The following CFTR variants were observed in gnomAD, a reference collection of about 807,000 sequenced individuals.
CFTR encodes the protein cystic fibrosis transmembrane conductance regulator.
Under a neutral mutation model 171.6 loss-of-function variants are expected in CFTR, and 181 were observed. The observed-to-expected ratio is 1.05, with a 90% CI of 0.93 to 1.19. The LOEUF is 1.19. CFTR is among the 50% of genes most tolerant of loss of function. CFTR has a pLI of 0.00. For synonymous variants in CFTR, 583 were observed against 608.0 expected (o/e 0.96, Z 0.60); for missense variants, 1,968 against 1,734.7 (o/e 1.13, Z -2.39).
chr7:117,494,966 C>G (rs953928364), intron 1 of CFTR, among the ~76,000 whole-genome samples: 1 of 152,052 alleles, frequency 6.6e-6, no homozygotes. Context: ...TTGACAGTTG[C>G]ACAAGTTTCT....
Position 117,536,796 on chromosome 7 carries a change from A to G in CFTR, c.869+123A>G, listed in dbSNP as rs574337423. ...TTGTGACAATCAAATGATTGCATTT[A>G]AGTTCTGTCAATATTCATGCATTAG... On this transcript the variant is annotated intron_variant, in intron 7 of 26. Transcript: ENST00000003084. 6 of 837,750 alleles carry G rather than the reference A, an allele frequency of 7.2e-6. No homozygotes were observed. In the African/African-American group the frequency reaches 1.0e-4, roughly 14 times the overall value. The allele number at this position is 837,750 out of a possible 1,614,324, so 51.9% of individuals were successfully genotyped here.
At chr7:117,595,079 A>G (rs750120284) in intron 15 of CFTR, 21 bp downstream of exon 15, 4 of 1,601,114 alleles carry the variant, frequency 2.5e-6, no homozygotes, top group Non-Finnish European at 3.4e-6. Context: ...TCTATTGTAA[A>G]GTATTACTGG....
chr7:117,645,251 C>T (rs1792981264), intron 23 of CFTR, among the ~76,000 whole-genome samples: 1 of 152,170 alleles, frequency 6.6e-6, no homozygotes, highest in Non-Finnish European at 1.5e-5. Context: ...TAAACTCCTA[C>T]ATGCTTAACA....
At chr7:117,659,853 T>G (rs193090632) in intron 24 of CFTR, among the ~76,000 whole-genome samples, 127 of 152,320 alleles carry the variant, frequency 8.3e-4, no homozygotes, top group African/African-American at 2.9e-3. Context: ...CAAAAGGAGT[T>G]GACTGTATCT....
chr7:117,591,894 A>G (rs1792030272), intron 13 of CFTR, 40 bp from the exon 14 acceptor site: 1 of 1,273,680 alleles, frequency 7.9e-7, no homozygotes, highest in African/African-American at 1.5e-5. Flanking sequence ...GCAATAAAGT[A>G]TTTATAAAAT....
chr7:117,597,726 C>G (rs114261375), intron 15 of CFTR, among the ~76,000 whole-genome samples: 1,543 of 151,928 alleles, frequency 0.01, 27 homozygotes, highest in African/African-American at 0.035. Flanking sequence ...ATTCAAATCA[C>G]ACACTTGCTT....
intron 3 of CFTR, among the ~76,000 whole-genome samples, chr7:117,520,999 G>A (rs1444250733): frequency 1.3e-5 from 2 of 151,890 alleles, no homozygotes; most frequent in African/African-American, 4.8e-5. Flanking sequence ...AAAGTTTTAA[G>A]ACTCTCCATT....
At chr7:117,634,201 C>T (rs1001460189) in intron 22 of CFTR, among the ~76,000 whole-genome samples, 3 of 152,060 alleles carry the variant, frequency 2.0e-5, no homozygotes, top group African/African-American at 4.8e-5. Context: ...TTTTCTCATG[C>T]GAGTTTTAGC....
intron 9 of CFTR, among the ~76,000 whole-genome samples, chr7:117,543,734 C>A (rs897748955): frequency 2.0e-5 from 3 of 152,176 alleles, no homozygotes; most frequent in Non-Finnish European, 2.9e-5. Context: ...TGGTGGCATC[C>A]TCTTCCTCCA....
chr7:117,548,316 C>A (rs62469439), intron 9 of CFTR, among the ~76,000 whole-genome samples: 65 of 144,946 alleles, frequency 4.5e-4, no homozygotes, highest in African/African-American at 1.5e-3. Context: ...TTATGTACCC[C>A]GCTTATAGGA....
At chr7:117,628,699 C>T (rs1012943774) in intron 22 of CFTR, among the ~76,000 whole-genome samples, 13 of 151,818 alleles carry the variant, frequency 8.6e-5, no homozygotes, top group African/African-American at 2.9e-4. Flanking sequence ...TTGATTTTGC[C>T]CATGGATTTT....
chr7:117,561,765 C>T lies in CFTR; in HGVS notation c.1584+2110C>T, dbSNP rs549444461. 1.3e-3 allele frequency among the ~76,000 whole-genome samples: 197 copies of T among 152,104 alleles called. 1 individual carries two copies. Among genetic ancestry groups the T allele is most frequent in the African/African-American group, 4.7e-3 (193 of 41,504 alleles). ...AAAGATTGACATATCAATAACAAATCGAATTAGTGATGTAATAGAGGCATT... is the reference window on the plus strand; with the variant it reads ...AAAGATTGACATATCAATAACAAATTGAATTAGTGATGTAATAGAGGCATT... On this transcript the variant is annotated intron_variant, in intron 11 of 26. Transcript: ENST00000003084.
At position 117,558,063 on chromosome 7, in the gene CFTR, A is replaced by AT. The variant is rs1018771876; in HGVS notation, c.1393-1392dup. On this transcript the variant is annotated intron_variant, in intron 10 of 26. Coordinates refer to ENST00000003084, the MANE Select transcript of CFTR (RefSeq NM_000492.4). The stretch of plus-strand genomic sequence containing the variant: ...GTTGTGCAACTATCACCTCCTTTTG[A>AT]TTTTTTTTTACTAATTTTGTAAATT... Among the ~76,000 whole-genome samples, 25 of 150,346 alleles carry AT rather than the reference A, an allele frequency of 1.7e-4. 1 individual carries two copies. Among genetic ancestry groups the AT allele is most frequent in the East Asian group, 1.4e-3 (7 of 5,072 alleles).
At chr7:117,507,986 G>C (rs1798448287) in intron 2 of CFTR, among the ~76,000 whole-genome samples, 1 of 152,298 alleles carries the variant, frequency 6.6e-6, no homozygotes, top group South Asian at 2.1e-4. Context: ...ATGCTGGCCA[G>C]GCTGGTCTTG....
chr7:117,611,703 A>G lies in CFTR; in HGVS notation c.3262A>G (p.Asn1088Asp), dbSNP rs397508523. The G allele has an allele frequency of 3.1e-6, 5 of 1,613,632 alleles. No individual in the cohort carries two copies. The highest frequency in any genetic ancestry group is 2.2e-5 in the East Asian group (1 of 44,844). Residue 1088 changes from asparagine (N) to aspartate (D), a missense_variant, in exon 20 of 27, where the codon AAC becomes GAC. Physicochemically the swap from Asn to Asp is conservative, Grantham distance 23. Transcript: ENST00000003084. ...FHKALNLHTA[N>D]WFLYLSTLRW... ...CAAAGCTCTGAATTTACATACTGCC[A>G]ACTGGTTCTTGTACCTGTCAACACT...
Position 117,667,150 on chromosome 7 carries a change from T to C in CFTR, c.*42T>C, listed in dbSNP as rs532413191. The C allele has an allele frequency of 2.4e-5, 37 of 1,564,688 alleles. No individual in the cohort carries two copies. The African/African-American group carries it at 3.7e-4, about 15-fold the overall frequency. On this transcript the variant is annotated 3_prime_UTR_variant, in exon 27 of 27. Coordinates refer to ENST00000003084, the MANE Select transcript of CFTR (RefSeq NM_000492.4). ...TGACATGGGACATTTGCTCATGGAA[T>C]TGGAGCTCGTGGGACAGTCACCTCA...
At chr7:117,535,659 G>C (rs547233512) in intron 6 of CFTR, among the ~76,000 whole-genome samples, 1 of 150,296 alleles carries the variant, frequency 6.7e-6, no homozygotes, top group African/African-American at 2.5e-5. Context: ...CTCAGCCTCC[G>C]GAGTAGCTGG....
intron 11 of CFTR, among the ~76,000 whole-genome samples, chr7:117,565,286 T>A (rs891842427): frequency 1.4e-4 from 21 of 152,240 alleles, no homozygotes; most frequent in Non-Finnish European, 1.5e-5. Flanking sequence ...TATGAGATTA[T>A]AATTGTATTT....
intron 22 of CFTR, among the ~76,000 whole-genome samples, chr7:117,636,244 C>T (rs1052485358): frequency 2.6e-5 from 4 of 152,052 alleles, no homozygotes; most frequent in African/African-American, 9.7e-5. Context: ...TTATCTTTGC[C>T]TTTCTATAGG....
Sources: gnomAD v4.1 joint callset for allele counts (sites outside exome capture counted in the v4.1 genomes callset) on GRCh38, gnomAD v4.1.1 for gene constraint, MANE v1.5 for transcripts, NCBI Gene and HGNC (gene_info 2026-07-23, HGNC 2026-07-21) for gene names.